PDS5A: variants seen among roughly 807,000 people sequenced by gnomAD.
The protein encoded by PDS5A is sister chromatid cohesion protein PDS5 homolog A.
Under a neutral mutation model 167.1 loss-of-function variants are expected in PDS5A, and 42 were observed. That is an observed-to-expected ratio of 0.25 (90% CI 0.20 to 0.33). The LOEUF is 0.33. Among genes scored for constraint, PDS5A ranks in the 10% least tolerant of loss-of-function variants. The pLI is 1.00. For missense variants in PDS5A, 1,033 were observed against 1,605.9 expected, an observed-to-expected ratio of 0.64 and a Z score of 6.10; for synonymous variants, 553 against 554.6, an observed-to-expected ratio of 1.00 and a Z score of 0.04.
intron 2 of PDS5A, among the ~76,000 whole-genome samples, chr4:39,952,833 ACT>A (rs1641304108): frequency 6.7e-6 from 1 of 148,644 alleles, no homozygotes; most frequent in Admixed American, 6.8e-5. Context: ...GGTTCAAATG[ACT>A]CTCCTGCCTC....
At chr4:39,832,220 A>T (rs1050491282) in intron 32 of PDS5A, among the ~76,000 whole-genome samples, 4 of 147,682 alleles carry the variant, frequency 2.7e-5, no homozygotes, top group East Asian at 4.0e-4. Context: ...GATTTCAATT[A>T]TTTTTTTTTT....
intron 18 of PDS5A, 39 bp from the exon 19 acceptor site, chr4:39,877,192 G>GTTT: frequency 7.7e-7 from 1 of 1,293,342 alleles, no homozygotes; most frequent in East Asian, 2.6e-5. Context: ...ACAGACAATG[G>GTTT]TTTTAATCCA....
intron 21 of PDS5A, chr4:39,872,683 A>C (rs564376853): frequency 5.6e-6 from 1 of 178,052 alleles, no homozygotes; most frequent in African/African-American, 2.4e-5. Context: ...CCCAATTCTA[A>C]CATTCCAGAA....
chr4:39,915,879 T>C (rs1004293689), intron 8 of PDS5A, among the ~76,000 whole-genome samples: 1 of 152,198 alleles, frequency 6.6e-6, no homozygotes, highest in Non-Finnish European at 1.5e-5. Flanking sequence ...ACATTTCACA[T>C]CTATAAACTA....
intron 16 of PDS5A, among the ~76,000 whole-genome samples, chr4:39,892,265 C>G (rs1722041829): frequency 6.6e-6 from 1 of 152,142 alleles, no homozygotes; most frequent in African/African-American, 2.4e-5. Context: ...TCTCAGAGGC[C>G]ATTCTCAGAT....
rs1303231138 is a variant in PDS5A, at chr4:39,842,026, T to C, written c.3579A>G (p.Gly1193=). Residue 1193 remains glycine (G), a synonymous_variant, in exon 31 of 33, where the codon GGA becomes GGG. Transcript: ENST00000303538. The part of the protein sequence containing the change: ...REQSSEAAET[G]VSENEENPVR... ...CAGGGTTCTCTTCATTTTCACTAAC[T>C]CCAGTTTCTGCTGCCTCTGAACTCT... 1 of 1,608,464 alleles carries C rather than the reference T, an allele frequency of 6.2e-7. No individual in the cohort carries two copies. Among genetic ancestry groups the C allele is most frequent in the South Asian group, 1.1e-5 (1 of 90,958 alleles).
At chr4:39,844,578 T>C (rs1201355152) in intron 30 of PDS5A, 78 bp downstream of exon 30, 1 of 1,092,538 alleles carries the variant, frequency 9.2e-7, no homozygotes, top group African/African-American at 1.6e-5. Context: ...AAGACCATTT[T>C]ATGAGACAGC....
intron 17 of PDS5A, among the ~76,000 whole-genome samples, chr4:39,882,949 A>G (rs1578662877): frequency 6.6e-6 from 1 of 152,258 alleles, no homozygotes; most frequent in East Asian, 1.9e-4. Flanking sequence ...AAATACTCCC[A>G]TTGGCAACTT....
intron 26 of PDS5A, among the ~76,000 whole-genome samples, chr4:39,851,173 A>C (rs7658879): frequency 0.021 from 3,156 of 152,364 alleles, 39 homozygotes; most frequent in African/African-American, 0.032. Flanking sequence ...AATAAAAATT[A>C]GCAAATATTT....
chr4:39,904,937 T>C (rs565272585), intron 11 of PDS5A, among the ~76,000 whole-genome samples: 88 of 152,338 alleles, frequency 5.8e-4, no homozygotes, highest in Middle Eastern at 3.4e-3. Context: ...ACCCCTATTA[T>C]CTGGAATGTT....
At chr4:39,951,502 A>G (rs1728353133) in intron 2 of PDS5A, among the ~76,000 whole-genome samples, 1 of 151,514 alleles carries the variant, frequency 6.6e-6, no homozygotes, top group South Asian at 2.1e-4. Flanking sequence ...TCTTGTGCTG[A>G]TAACAACTGA....
At chr4:39,849,437 C>CAAAA (rs1578600743) in intron 27 of PDS5A, 83 bp downstream of exon 27, 1 of 537,386 alleles carries the variant, frequency 1.9e-6, no homozygotes, top group East Asian at 3.1e-5. Flanking sequence ...CTACGTATGG[C>CAAAA]CAAAAAAAAA....
At chr4:39,964,628 G>A (rs370290122) in intron 2 of PDS5A, among the ~76,000 whole-genome samples, 19 of 152,344 alleles carry the variant, frequency 1.2e-4, no homozygotes, top group African/African-American at 4.3e-4. Flanking sequence ...CTTGAACCCA[G>A]AAGGTGCAGT....
chr4:39,879,573 T>C (rs185542003), intron 18 of PDS5A, among the ~76,000 whole-genome samples, 155 bp downstream of exon 18: 210 of 152,324 alleles, frequency 1.4e-3, no homozygotes, highest in African/African-American at 4.9e-3. Flanking sequence ...TATTATGTTG[T>C]AAAAACATTA....
intron 2 of PDS5A, among the ~76,000 whole-genome samples, chr4:39,958,065 T>C (rs545589092): frequency 2.1e-3 from 315 of 152,232 alleles, no homozygotes; most frequent in Non-Finnish European, 3.8e-3. Flanking sequence ...TAATTTTTTG[T>C]ATTTTTAGTA....
At chr4:39,972,514 C>T (rs957283794) in intron 2 of PDS5A, among the ~76,000 whole-genome samples, 6 of 151,750 alleles carry the variant, frequency 4.0e-5, no homozygotes, top group Non-Finnish European at 7.4e-5. Flanking sequence ...GGCGAGACTC[C>T]GTCTCAAAAA....
chr4:39,890,985 T>C (rs1721909635), intron 16 of PDS5A, among the ~76,000 whole-genome samples: 1 of 152,240 alleles, frequency 6.6e-6, no homozygotes, highest in Admixed American at 6.5e-5. Flanking sequence ...GTATGCTTTA[T>C]TGGTTTTAAT....
At chr4:39,885,120 T>A (rs1000527711) in intron 17 of PDS5A, among the ~76,000 whole-genome samples, 49 of 149,328 alleles carry the variant, frequency 3.3e-4, no homozygotes, top group African/African-American at 1.0e-3. Context: ...AAAATTAACC[T>A]AGCATGGTGG....
intron 22 of PDS5A, among the ~76,000 whole-genome samples, chr4:39,867,219 T>C (rs1347555345): frequency 6.6e-6 from 1 of 151,822 alleles, no homozygotes; most frequent in Non-Finnish European, 1.5e-5. Flanking sequence ...ACTTATTTAA[T>C]CTCCCAAAAA....
Sources: allele counts gnomAD v4.1 joint callset (sites outside exome capture counted in the v4.1 genomes callset), GRCh38; gene constraint gnomAD v4.1.1; transcripts MANE v1.5; gene names NCBI Gene and HGNC (gene_info 2026-07-23, HGNC 2026-07-21).